NPPB: variants seen among roughly 807,000 people sequenced by gnomAD.
NPPB encodes the protein natriuretic peptides B.
Under a neutral mutation model 12.7 loss-of-function variants are expected in NPPB, and 13 were observed. The ratio of observed to expected loss-of-function variants is 1.03; its 90% CI spans 0.67 to 1.63. The LOEUF is 1.63. Among genes scored for constraint, NPPB ranks in the 40% most tolerant of loss-of-function variants. NPPB has a pLI of 0.00. For synonymous variants in NPPB, 66 were observed against 74.7 expected (o/e 0.88, Z 0.60); for missense variants, 184 against 172.9 (o/e 1.06, Z -0.36).
In NPPB at chr1:11,858,223, C is replaced by T. The variant is rs764155968; in HGVS notation, c.379G>A (p.Gly127Ser). The T allele has an allele frequency of 5.6e-6, 9 of 1,609,198 alleles. No individual in the cohort carries two copies. The highest frequency in any genetic ancestry group is 7.6e-6 in the Non-Finnish European group (9 of 1,177,322). Reference sequence around the variant, plus strand: ...GGCAGGGGGTGCTTACCTTTGCAGCCCAGGCCACTGGAGGAGCTGATCCGG... The same window carrying T: ...GGCAGGGGGTGCTTACCTTTGCAGCTCAGGCCACTGGAGGAGCTGATCCGG... ...MDRISSSSGL[G>S]CKVLRRH Residue 127 changes from glycine to serine, a missense_variant, in exon 2 of 3, where the codon GGC (glycine) becomes AGC (serine). Coordinates refer to ENST00000376468, the MANE Select transcript of NPPB (RefSeq NM_002521.3).
At position 11,858,422 on chromosome 1, in the gene NPPB, C is replaced by T. The variant is rs1645134234; in HGVS notation, c.180G>A (p.Glu60=). The T allele has an allele frequency of 6.4e-7, 1 of 1,559,042 alleles. No individual in the cohort carries two copies. Among genetic ancestry groups the T allele is most frequent in the Admixed American group, 1.9e-5 (1 of 51,628 alleles). Residue 60 remains glutamate (E), a synonymous_variant, in exon 2 of 3, where the codon GAG becomes GAA. Coordinates refer to ENST00000376468, the MANE Select transcript of NPPB (RefSeq NM_002521.3). The part of the protein sequence containing the change: ...LQGKLSELQV[E]QTSLEPLQES... The stretch of plus-strand genomic sequence containing the variant: ...CCTGGAGGGGCTCCAGGGATGTCTG[C>T]TCCACCTGCAGCTCCGACAGTTTGC...
chr1:11,858,909 C>T lies in NPPB; in HGVS notation c.-76G>A, dbSNP rs1038800387. On this transcript the variant is annotated 5_prime_UTR_variant, in exon 1 of 3. Transcript: ENST00000376468. Reference sequence around the variant, plus strand: ...TGCTGCTGCGATGCGTCCGGGTTTGCTTCCCACCTGCCCTCAGCCTGCGGG... The same window carrying T: ...TGCTGCTGCGATGCGTCCGGGTTTGTTTCCCACCTGCCCTCAGCCTGCGGG... 3 of 1,607,940 alleles carry T rather than the reference C, an allele frequency of 1.9e-6. No homozygotes were observed.
In NPPB at chr1:11,858,887, T is replaced by G; in HGVS notation, c.-54A>C. 1 of 1,605,824 alleles carries G rather than the reference T, an allele frequency of 6.2e-7. No individual in the cohort carries two copies. Among genetic ancestry groups the G allele is most frequent in the East Asian group, 2.2e-5 (1 of 44,868 alleles). Reference sequence around the variant, plus strand: ...CTGCTGCTTCTGCTGCTGCTGCTGCTGCTGCGATGCGTCCGGGTTTGCTTC... The same window carrying G: ...CTGCTGCTTCTGCTGCTGCTGCTGCGGCTGCGATGCGTCCGGGTTTGCTTC... On this transcript the variant is annotated 5_prime_UTR_variant, in exon 1 of 3. Transcript: ENST00000376468.
At chr1:11,857,715 T>C in intron 2 of NPPB, 44 bp from the exon 3 acceptor site, 1 of 1,610,838 alleles carries the variant, frequency 6.2e-7, no homozygotes, top group Non-Finnish European at 8.5e-7. Context: ...GGGTGGGAGA[T>C]GGAGGCAGGG....
In NPPB at chr1:11,858,353, G is replaced by A. The variant is rs942037957; in HGVS notation, c.249C>T (p.Ala83=). The change falls in exon 2 of 3, where the codon GCC becomes GCT. Residue 83 remains alanine (A), a synonymous_variant. Coordinates refer to ENST00000376468, the MANE Select transcript of NPPB (RefSeq NM_002521.3). ...PTGVWKSREV[A]TEGIRGHRKM... ...TGCGGTGCCCACGGATGCCCTCGGT[G>A]GCTACCTCCCGGGACTTCCAGACAC... The A allele has an allele frequency of 2.5e-6, 4 of 1,611,840 alleles. No homozygotes were observed. In the African/African-American group the frequency reaches 4.0e-5, roughly 16 times the overall value.
In NPPB at chr1:11,858,870, TCTG is replaced by T. The variant is rs35519114; in HGVS notation, c.-40_-38del. The T allele has an allele frequency of 5.2e-3, 8,183 of 1,578,208 alleles. 54 individuals are homozygous for T. Among genetic ancestry groups the T allele is most frequent in the African/African-American group, 0.026 (1,898 of 73,846 alleles). On this transcript the variant is annotated 5_prime_UTR_variant, in exon 1 of 3. Coordinates refer to ENST00000376468, the MANE Select transcript of NPPB (RefSeq NM_002521.3). ...GACTGCGGAGGCTGCTGCTGCTGCT[TCTG>T]CTGCTGCTGCTGCTGCTGCGATGCG... is the stretch of plus-strand genomic sequence containing the variant.
Position 11,858,827 on chromosome 1 carries a change from G to A in NPPB, c.7C>T (p.Pro3Ser). 6.2e-7 allele frequency: 1 copy of A among 1,614,138 alleles called. No individual in the cohort carries two copies. Among genetic ancestry groups the A allele is most frequent in the Non-Finnish European group, 8.5e-7 (1 of 1,180,030 alleles). ...AGCGCCCGGGAAGGTGCTGTCTGGGGATCCATGTCTCTGGAGGGACTGCGG... is the reference window on the plus strand; with the variant it reads ...AGCGCCCGGGAAGGTGCTGTCTGGGAATCCATGTCTCTGGAGGGACTGCGG... MD[P>S]QTAPSRALLL... The change falls in exon 1 of 3, where the codon CCC becomes TCC. Residue 3 changes from proline (P) to serine (S), a missense_variant. Transcript: ENST00000376468.
intron 2 of NPPB, 44 bp from the exon 3 acceptor site, chr1:11,857,715 T>G: frequency 2.5e-6 from 4 of 1,610,838 alleles, no homozygotes; most frequent in Non-Finnish European, 3.4e-6. Flanking sequence ...GGGTGGGAGA[T>G]GGAGGCAGGG....
chr1:11,858,872 T>TGAA lies in NPPB; in HGVS notation c.-40_-39insTTC. ...CTGCGGAGGCTGCTGCTGCTGCTTC[T>TGAA]GCTGCTGCTGCTGCTGCTGCGATGC... On this transcript the variant is annotated 5_prime_UTR_variant, in exon 1 of 3. Transcript: ENST00000376468. 6.8e-7 allele frequency: 1 copy of TGAA among 1,462,120 alleles called. No homozygotes were observed. The highest frequency in any genetic ancestry group is 9.2e-7 in the Non-Finnish European group (1 of 1,086,172). 90.6% of individuals were successfully genotyped at this position (1,462,120 alleles called of 1,614,324 possible). A position where few individuals can be genotyped will look rare whatever the true frequency, so the allele number is the denominator to read the frequency against.
chr1:11,857,549 A>G lies in NPPB; in HGVS notation c.*106T>C. 9.6e-7 allele frequency: 1 copy of G among 1,040,360 alleles called. No homozygotes were observed. Among genetic ancestry groups the G allele is most frequent in the Non-Finnish European group, 1.4e-6 (1 of 693,678 alleles). The allele number at this position is 1,040,360 out of a possible 1,614,324, so 64.4% of individuals were successfully genotyped here. The stretch of plus-strand genomic sequence containing the variant: ...CATCTTATATAAAACAATCAAATAA[A>G]TACATAAATACATTAAAAAAATGAG... On this transcript the variant is annotated 3_prime_UTR_variant, in exon 3 of 3. Coordinates refer to ENST00000376468, the MANE Select transcript of NPPB (RefSeq NM_002521.3).
At chr1:11,858,574 C>T (rs1645135101) in intron 1 of NPPB, 105 bp from the exon 2 acceptor site, 3 of 1,581,310 alleles carry the variant, frequency 1.9e-6, no homozygotes, top group African/African-American at 1.4e-5. Context: ...GGTCAGGGCA[C>T]CCAGTCTCTC....
In NPPB at chr1:11,858,395, C is replaced by G. The variant is rs74613227; in HGVS notation, c.207G>C (p.Glu69Asp). 144 of 1,591,090 alleles carry G rather than the reference C, an allele frequency of 9.1e-5. No individual in the cohort carries two copies. The highest frequency in any genetic ancestry group is 1.1e-4 in the Non-Finnish European group (134 of 1,167,464). ...TCCAGACACCTGTGGGACGGGGGCTCTCCTGGAGGGGCTCCAGGGATGTCT... is the reference window on the plus strand; with the variant it reads ...TCCAGACACCTGTGGGACGGGGGCTGTCCTGGAGGGGCTCCAGGGATGTCT... ...VEQTSLEPLQ[E>D]SPRPTGVWKS... Residue 69 changes from glutamate (E) to aspartate (D), a missense_variant, in exon 2 of 3, where the codon GAG becomes GAC. Physicochemically the swap from Glu to Asp is conservative, Grantham distance 45 (BLOSUM62 2). Transcript: ENST00000376468.
intron 2 of NPPB, 28 bp from the exon 3 acceptor site, chr1:11,857,699 T>C (rs1320048362): frequency 1.2e-6 from 2 of 1,613,736 alleles, no homozygotes; most frequent in Non-Finnish European, 1.7e-6. Context: ...AGGGTGATGA[T>C]GGTTAGGGTG....
At position 11,858,904 on chromosome 1, in the gene NPPB, G is replaced by A; in HGVS notation, c.-71C>T. The A allele has an allele frequency of 6.2e-7, 1 of 1,608,324 alleles. No homozygotes were observed. Among genetic ancestry groups the A allele is most frequent in the Non-Finnish European group, 8.5e-7 (1 of 1,178,962 alleles). On this transcript the variant is annotated 5_prime_UTR_variant, in exon 1 of 3. Coordinates refer to ENST00000376468, the MANE Select transcript of NPPB (RefSeq NM_002521.3). The stretch of plus-strand genomic sequence containing the variant: ...GCTGCTGCTGCTGCGATGCGTCCGG[G>A]TTTGCTTCCCACCTGCCCTCAGCCT...
chr1:11,858,763 C>A lies in NPPB; in HGVS notation c.71G>T (p.Gly24Val). ...GGGGCTGCCCAGCGGGTGGGAACGA[C>A]CTCCCAGGAAAGCCAGATGCAAGAA... ...LLFLHLAFLG[G>V]RSHPLGSPGS... The change falls in exon 1 of 3, where the codon GGT (glycine) becomes GTT (valine). Residue 24 changes from glycine (G) to valine (V), a missense_variant. Physicochemically the swap from Gly to Val is moderately radical, Grantham distance 109 (BLOSUM62 -3). Coordinates refer to ENST00000376468, the MANE Select transcript of NPPB (RefSeq NM_002521.3). 1 of 1,614,200 alleles carries A rather than the reference C, an allele frequency of 6.2e-7. No individual in the cohort carries two copies. The highest frequency in any genetic ancestry group is 1.1e-5 in the South Asian group (1 of 91,082).
rs1038102851 is a variant in NPPB, at chr1:11,858,531, G to A, written c.133-62C>T. The A allele has an allele frequency of 3.9e-6, 6 of 1,542,832 alleles. No homozygotes were observed. In the Admixed American group the frequency reaches 6.5e-5, roughly 17 times the overall value. On this transcript the variant is annotated intron_variant, in intron 1 of 2. Transcript: ENST00000376468. ...ACCCCTGGGCTCACCAGCCCTTCAT[G>A]GCACCCAAGTGAACCGACTGCCTTG...
chr1:11,858,783 C>G lies in NPPB; in HGVS notation c.51G>C (p.Leu17Phe). Residue 17 changes from leucine (L) to phenylalanine (F), a missense_variant, in exon 1 of 3, where the codon TTG becomes TTC. Transcript: ENST00000376468. ...PSRALLLLLF[L>F]HLAFLGGRSH... ...AACGACCTCCCAGGAAAGCCAGATGCAAGAAGAGCAGGAGCAGGAGCGCCC... is the reference window on the plus strand; with the variant it reads ...AACGACCTCCCAGGAAAGCCAGATGGAAGAAGAGCAGGAGCAGGAGCGCCC... The G allele has an allele frequency of 6.2e-7, 1 of 1,614,182 alleles. No individual in the cohort carries two copies. The highest frequency in any genetic ancestry group is 8.5e-7 in the Non-Finnish European group (1 of 1,180,034).
At position 11,857,554 on chromosome 1, in the gene NPPB, TA is replaced by T; in HGVS notation, c.*100del. ...TATATAAAACAATCAAATAAATACA[TA>T]AATACATTAAAAAAATGAGTCACTT... On this transcript the variant is annotated 3_prime_UTR_variant, in exon 3 of 3. Transcript: ENST00000376468. The T allele has an allele frequency of 9.1e-7, 1 of 1,093,004 alleles. No individual in the cohort carries two copies. Among genetic ancestry groups the T allele is most frequent in the Non-Finnish European group, 1.4e-6 (1 of 736,622 alleles). The allele number at this position is 1,093,004 out of a possible 1,614,324, so 67.7% of individuals were successfully genotyped here.
intron 1 of NPPB, 111 bp from the exon 2 acceptor site, chr1:11,858,580 C>A (rs1390427115): frequency 1.9e-6 from 3 of 1,583,376 alleles, no homozygotes; most frequent in African/African-American, 2.7e-5. Flanking sequence ...GGCACCCAGT[C>A]TCTCCATTTT....
Sources: gnomAD v4.1 joint callset for allele counts on GRCh38, gnomAD v4.1.1 for gene constraint, MANE v1.5 for transcripts, NCBI Gene and HGNC (gene_info 2026-07-23, HGNC 2026-07-21) for gene names.